SHB: variants seen among roughly 807,000 people sequenced by gnomAD.
SHB encodes SH2 domain containing adaptor protein B.
Under a neutral mutation model 52.3 loss-of-function variants are expected in SHB, and 20 were observed. The ratio of observed to expected loss-of-function variants is 0.38; its 90% CI spans 0.27 to 0.56. The LOEUF (loss-of-function observed/expected upper bound fraction) is 0.56, where lower values mean the gene tolerates loss of function less well. Ranked by LOEUF, SHB falls within the 20% of genes least tolerant of loss-of-function variation. The probability of loss-of-function intolerance (pLI) is 0.71; values close to 1 mark genes in which losing one functional copy is unlikely to be tolerated. For synonymous variants in SHB, 397 were observed against 316.5 expected, an observed-to-expected ratio of 1.25 and a Z score of -2.70; for missense variants, 825 against 723.3, an observed-to-expected ratio of 1.14 and a Z score of -1.61.
At chr9:38,017,602 CAA>C (rs956823971) in intron 1 of SHB, among the ~76,000 whole-genome samples, 1 of 152,222 alleles carries the variant, frequency 6.6e-6, no homozygotes, top group African/African-American at 2.4e-5. Context: ...GCTCCCCAAA[CAA>C]GAGAAGCTCA....
At chr9:37,982,639 G>GAA (rs59152380) in intron 2 of SHB, among the ~76,000 whole-genome samples, 32 of 148,892 alleles carry the variant, frequency 2.1e-4, no homozygotes, top group African/African-American at 6.2e-4. Context: ...AAAAACAGAA[G>GAA]AAAAAAAAAA....
intron 1 of SHB, among the ~76,000 whole-genome samples, chr9:38,025,411 G>A (rs189636866): frequency 3.9e-5 from 6 of 152,258 alleles, no homozygotes; most frequent in African/African-American, 7.2e-5. Flanking sequence ...GGCCTGAGGC[G>A]ACACTTACCA....
Position 38,068,068 on chromosome 9 carries a change from C to A in SHB, c.578G>T (p.Gly193Val). The change falls in exon 1 of 6, where the codon GGC (glycine) becomes GTC (valine). Residue 193 changes from glycine (G) to valine (V), a missense_variant. Transcript: ENST00000377707. Reference protein sequence around the residue: ...HRLIKVESAAGGGAGDPLGGA... With the variant: ...HRLIKVESAAVGGAGDPLGGA... ...CCCCAGGGGGTCCCCGGCCCCACCG[C>A]CCGCGGCGCTCTCCACTTTGATGAG... The A allele has an allele frequency of 6.7e-7, 1 of 1,491,510 alleles. No individual in the cohort carries two copies. The highest frequency in any genetic ancestry group is 8.8e-7 in the Non-Finnish European group (1 of 1,130,588). 92.4% of individuals were successfully genotyped at this position (1,491,510 alleles called of 1,614,324 possible).
chr9:37,918,668 C>T lies in SHB; in HGVS notation c.*1153G>A, dbSNP rs1161065725. 6.6e-6 allele frequency among the ~76,000 whole-genome samples: 1 copy of T among 152,124 alleles called. No individual in the cohort carries two copies. Among genetic ancestry groups the T allele is most frequent in the East Asian group, 1.9e-4 (1 of 5,192 alleles). On this transcript the variant is annotated 3_prime_UTR_variant, in exon 6 of 6. Coordinates refer to ENST00000377707, the MANE Select transcript of SHB (RefSeq NM_003028.3). ...GCAGAACCGCTCTGCTGCTGGTGAG[C>T]TGTGTGGCTTTGGGCAAATGACGTT...
intron 1 of SHB, among the ~76,000 whole-genome samples, chr9:38,040,993 T>C (rs941009186): frequency 6.6e-6 from 1 of 151,932 alleles, no homozygotes; most frequent in African/African-American, 2.4e-5. Flanking sequence ...TAGAGTTAAC[T>C]TCCACAGGAC....
rs193018826 is a variant in SHB, at chr9:38,005,158, G to A, written c.838+10853C>T. Among the ~76,000 whole-genome samples, 37 of 152,320 alleles carry A rather than the reference G, an allele frequency of 2.4e-4. 1 individual carries two copies. The highest frequency in any genetic ancestry group is 8.7e-4 in the African/African-American group (36 of 41,566). ...CATGGTGAGGGCTGTGACGGCATAT[G>A]GACAGAATGGGGTGACGTGGGCAGT... On this transcript the variant is annotated intron_variant, in intron 2 of 5. Transcript: ENST00000377707.
chr9:37,979,877 T>C (rs1368526750), intron 2 of SHB, among the ~76,000 whole-genome samples: 1 of 152,244 alleles, frequency 6.6e-6, no homozygotes, highest in Non-Finnish European at 1.5e-5. Context: ...GTTATATTTA[T>C]ATTATACTGT....
At chr9:38,021,384 G>C (rs1366591026) in intron 1 of SHB, among the ~76,000 whole-genome samples, 1 of 146,136 alleles carries the variant, frequency 6.8e-6, no homozygotes, top group Non-Finnish European at 1.5e-5. Context: ...GGCTGGGCAC[G>C]GTGGCTCACA....
chr9:37,979,733 G>T (rs1041434645), intron 2 of SHB, among the ~76,000 whole-genome samples: 1 of 152,138 alleles, frequency 6.6e-6, no homozygotes, highest in African/African-American at 2.4e-5. Context: ...AAGGTGGGCA[G>T]ATCACTTGAG....
chr9:37,979,080 A>C (rs1242680654), intron 2 of SHB, among the ~76,000 whole-genome samples: 1 of 152,156 alleles, frequency 6.6e-6, no homozygotes, highest in Non-Finnish European at 1.5e-5. Context: ...CCTAACTACC[A>C]GGCCCGTCTT....
chr9:38,007,593 A>T (rs934709548), intron 2 of SHB, among the ~76,000 whole-genome samples: 6 of 152,154 alleles, frequency 3.9e-5, no homozygotes, highest in African/African-American at 1.4e-4. Context: ...CCTGAGGGGC[A>T]CCCAGGACTC....
chr9:37,989,576 C>A (rs1417200717), intron 2 of SHB, among the ~76,000 whole-genome samples: 33 of 152,188 alleles, frequency 2.2e-4, no homozygotes, highest in Non-Finnish European at 1.5e-5. Flanking sequence ...TTGTAACCAC[C>A]TGATTGCAGA....
chr9:38,052,704 G>C (rs1821766535), intron 1 of SHB, among the ~76,000 whole-genome samples: 1 of 152,092 alleles, frequency 6.6e-6, no homozygotes, highest in Admixed American at 6.5e-5. Context: ...TGTCCCTAAA[G>C]CATGAGGCTG....
At chr9:38,055,884 G>A (rs888820090) in intron 1 of SHB, among the ~76,000 whole-genome samples, 6 of 152,056 alleles carry the variant, frequency 3.9e-5, no homozygotes, top group African/African-American at 1.2e-4. Flanking sequence ...GGAGGATGCC[G>A]ACTCCACCAG....
intron 1 of SHB, among the ~76,000 whole-genome samples, chr9:38,030,790 G>A (rs1821403442): frequency 6.6e-6 from 1 of 152,140 alleles, no homozygotes; most frequent in Admixed American, 6.5e-5. Flanking sequence ...AAGTTTCCAT[G>A]GGGAGCTTGA....
chr9:38,050,606 A>G (rs1391767992), intron 1 of SHB, among the ~76,000 whole-genome samples: 1 of 152,168 alleles, frequency 6.6e-6, no homozygotes, highest in Non-Finnish European at 1.5e-5. Context: ...CCCCATAACT[A>G]TGAAGGTGGT....
Position 37,956,333 on chromosome 9 carries a change from C to CG in SHB, c.1055-280dup, listed in dbSNP as rs1832633782. Reference sequence around the variant, plus strand: ...ACAGAAACCTCCCTGTGGCCTCTAGCGGGGGGCATGGCACTGCCTTCGGGG... The same window carrying CG: ...ACAGAAACCTCCCTGTGGCCTCTAGCGGGGGGGCATGGCACTGCCTTCGGGG... On this transcript the variant is annotated intron_variant, in intron 3 of 5. Transcript: ENST00000377707. Among the ~76,000 whole-genome samples the CG allele has an allele frequency of 2.0e-5, 3 of 152,110 alleles. No homozygotes were observed. The East Asian group carries it at 5.8e-4, about 30-fold the overall frequency.
chr9:38,037,427 T>C (rs113427857), intron 1 of SHB, among the ~76,000 whole-genome samples: 16 of 152,328 alleles, frequency 1.1e-4, no homozygotes, highest in African/African-American at 3.8e-4. Flanking sequence ...ACTCATACTG[T>C]GCCCTTCTCT....
chr9:37,996,456 T>C (rs1820947202), intron 2 of SHB, among the ~76,000 whole-genome samples: 1 of 152,240 alleles, frequency 6.6e-6, no homozygotes, highest in Non-Finnish European at 1.5e-5. Context: ...TGCAGAATTC[T>C]GTGATCATGT....
Sources: gnomAD v4.1 joint callset for allele counts (sites outside exome capture counted in the v4.1 genomes callset) on GRCh38, gnomAD v4.1.1 for gene constraint, MANE v1.5 for transcripts, NCBI Gene and HGNC (gene_info 2026-07-23, HGNC 2026-07-21) for gene names.